RANBP17: variants seen among roughly 807,000 people sequenced by gnomAD.
RANBP17 encodes the protein RAN binding protein 17, also known as ran-binding protein 17.
RANBP17 carries 158 observed loss-of-function variants against 141.2 expected under a neutral mutation model. The ratio of observed to expected loss-of-function variants is 1.12; its 90% confidence interval spans 0.98 to 1.28. RANBP17 has a LOEUF of 1.28. RANBP17 is among the 50% of genes most tolerant of loss of function. The pLI, the probability that RANBP17 is intolerant of heterozygous loss-of-function variation, is 0.00. For missense variants in RANBP17, 1,438 were observed against 1,290.7 expected (o/e 1.11, Z -1.75); for synonymous variants, 430 against 450.0 (o/e 0.96, Z 0.56).
At chr5:170,991,810 TAAG>T (rs1363404666) in intron 14 of RANBP17, among the ~76,000 whole-genome samples, 8 of 152,148 alleles carry the variant, frequency 5.3e-5, no homozygotes, top group Admixed American at 6.6e-5. Flanking sequence ...TTGGTAAGAA[TAAG>T]AAGAACTATT....
chr5:171,234,805 C>A (rs1324688912), intron 22 of RANBP17, among the ~76,000 whole-genome samples: 1 of 152,082 alleles, frequency 6.6e-6, no homozygotes, highest in African/African-American at 2.4e-5. Context: ...CATTAATACC[C>A]AAGTAGAGAT....
intron 14 of RANBP17, among the ~76,000 whole-genome samples, chr5:171,140,469 C>A (rs1161105166): frequency 6.6e-6 from 1 of 152,198 alleles, no homozygotes; most frequent in Non-Finnish European, 1.5e-5. Context: ...ATATACCCAA[C>A]ACTAGATTAG....
intron 14 of RANBP17, among the ~76,000 whole-genome samples, chr5:171,102,212 G>A (rs1180100183): frequency 2.0e-5 from 3 of 152,036 alleles, no homozygotes; most frequent in South Asian, 2.1e-4. Context: ...CATTCTTCCC[G>A]TCACTTTCCA....
intron 14 of RANBP17, among the ~76,000 whole-genome samples, chr5:171,165,459 T>A (rs1759629729): frequency 6.6e-6 from 1 of 152,182 alleles, no homozygotes; most frequent in Admixed American, 6.5e-5. Context: ...ATTATAGGCA[T>A]GAGCCACCGC....
chr5:171,119,789 C>T (rs552523525), intron 14 of RANBP17, among the ~76,000 whole-genome samples: 2 of 152,162 alleles, frequency 1.3e-5, no homozygotes, highest in East Asian at 3.9e-4. Context: ...CCTGTAATCC[C>T]AGCACTGTGG....
In RANBP17 at chr5:170,924,476, A is replaced by G; in HGVS notation, c.1394A>G (p.Asp465Gly). The G allele has an allele frequency of 1.2e-6, 2 of 1,613,208 alleles. No individual in the cohort carries two copies. Among genetic ancestry groups the G allele is most frequent in the Non-Finnish European group, 1.7e-6 (2 of 1,179,418 alleles). Residue 465 changes from aspartate (D) to glycine (G), a missense_variant, in exon 12 of 28, where the codon GAC (aspartate) becomes GGC (glycine). Physicochemically the swap from Asp to Gly is moderately conservative, Grantham distance 94. Transcript: ENST00000523189. Reference sequence around the variant, plus strand: ...TGTGCTCTTCTTGTGCAGTTATTCGACCAAAATGCACAGAATTACCAAAAA... The same window carrying G: ...TGTGCTCTTCTTGTGCAGTTATTCGGCCAAAATGCACAGAATTACCAAAAA... ...KTCALLVQLF[D>G]QNAQNYQKLL... is the part of the protein sequence containing the mutation.
At chr5:171,114,134 G>T (rs1360485971) in intron 14 of RANBP17, among the ~76,000 whole-genome samples, 1 of 151,906 alleles carries the variant, frequency 6.6e-6, no homozygotes, top group Non-Finnish European at 1.5e-5. Flanking sequence ...AAGCTTCCTG[G>T]GTTCTTCAGG....
intron 14 of RANBP17, among the ~76,000 whole-genome samples, chr5:170,984,677 A>G (rs1778001015): frequency 1.3e-5 from 2 of 152,128 alleles, no homozygotes; most frequent in African/African-American, 2.4e-5. Flanking sequence ...ACATATGTAA[A>G]TGATCACCTA....
chr5:171,242,893 G>T (rs1420221860), intron 24 of RANBP17, 73 bp downstream of exon 24: 1 of 1,366,236 alleles, frequency 7.3e-7, no homozygotes, highest in Non-Finnish European at 1.0e-6. Context: ...TGATTATTGA[G>T]ACTATCATCC....
intron 14 of RANBP17, among the ~76,000 whole-genome samples, chr5:171,065,854 C>G (rs2127683596): frequency 6.6e-6 from 1 of 151,692 alleles, no homozygotes; most frequent in East Asian, 1.9e-4. Flanking sequence ...CCTAGCTATT[C>G]TTGTGTTTAT....
chr5:171,088,883 T>G (rs2127723172), intron 14 of RANBP17, among the ~76,000 whole-genome samples: 1 of 152,200 alleles, frequency 6.6e-6, no homozygotes, highest in South Asian at 2.1e-4. Flanking sequence ...TTTCAAAGTT[T>G]TCAACTTCTT....
intron 14 of RANBP17, among the ~76,000 whole-genome samples, chr5:171,155,122 TACAC>T (rs375832271): frequency 8.1e-5 from 11 of 134,970 alleles, no homozygotes; most frequent in East Asian, 6.4e-4. Flanking sequence ...TATATATATG[TACAC>T]ACACACACAC....
rs367726678 is a variant in RANBP17, at chr5:171,265,849, TA to T, written c.2943+4del. 58 of 1,611,208 alleles carry T rather than the reference TA, an allele frequency of 3.6e-5. No homozygotes were observed. The African/African-American group carries it at 6.9e-4, about 19-fold the overall frequency. ...CAAAACCCAGATGTCCTGCAGCAGGTAACTGGTGGTTGATCACCTGGCTTAA... is the reference window on the plus strand; with the variant it reads ...CAAAACCCAGATGTCCTGCAGCAGGTACTGGTGGTTGATCACCTGGCTTAA... On this transcript the variant is annotated splice_donor_region_variant and intron_variant, in intron 25 of 27. Transcript: ENST00000523189.
chr5:170,969,600 G>A (rs1234901998), intron 14 of RANBP17, among the ~76,000 whole-genome samples: 1 of 151,882 alleles, frequency 6.6e-6, no homozygotes, highest in African/African-American at 2.4e-5. Flanking sequence ...TATCCATTTG[G>A]TGTAGGTCTT....
At chr5:171,194,358 T>C (rs1283678649) in intron 18 of RANBP17, among the ~76,000 whole-genome samples, 4 of 152,124 alleles carry the variant, frequency 2.6e-5, no homozygotes, top group African/African-American at 9.7e-5. Context: ...CATTAAGTAA[T>C]TGCTTCTCTT....
chr5:170,984,981 A>T (rs1319125966), intron 14 of RANBP17, among the ~76,000 whole-genome samples: 1 of 152,022 alleles, frequency 6.6e-6, no homozygotes, highest in African/African-American at 2.4e-5. Context: ...ACACACACAA[A>T]GACACACACA....
At chr5:171,179,624 G>C (rs1017115573) in intron 16 of RANBP17, among the ~76,000 whole-genome samples, 1 of 152,044 alleles carries the variant, frequency 6.6e-6, no homozygotes, top group Non-Finnish European at 1.5e-5. Flanking sequence ...TGTACTTAGT[G>C]AATATCATGT....
chr5:171,204,968 C>G (rs890233224), intron 19 of RANBP17, among the ~76,000 whole-genome samples: 2 of 152,180 alleles, frequency 1.3e-5, no homozygotes, highest in East Asian at 1.9e-4. Flanking sequence ...ATATAGAACT[C>G]TTTTCCTTAC....
rs1399289103 is a variant in RANBP17 at position 171,061,546 on chromosome 5, A to T, written c.1710+93169A>T. On this transcript the variant is annotated intron_variant, in intron 14 of 27. Coordinates refer to ENST00000523189, the MANE Select transcript of RANBP17 (RefSeq NM_022897.5). The stretch of plus-strand genomic sequence containing the variant: ...GAGAGACAGTTTGTTATAATTTCTG[A>T]TCTTTTACATTTGCTGAGGAGAGCT... Among the ~76,000 whole-genome samples, 14 of 151,694 alleles carry T rather than the reference A, an allele frequency of 9.2e-5. No individual in the cohort carries two copies. In the South Asian group the frequency reaches 1.9e-3, roughly 20 times the overall value.
Sources: gnomAD v4.1 joint callset for allele counts (sites outside exome capture counted in the v4.1 genomes callset) on GRCh38, gnomAD v4.1.1 for gene constraint, MANE v1.5 for transcripts, NCBI Gene and HGNC (gene_info 2026-07-23, HGNC 2026-07-21) for gene names.